SLC15A5: variants seen among roughly 807,000 people sequenced by gnomAD.
SLC15A5 encodes the protein Peptide/histidine transporter ENSP00000340402.
Under a neutral mutation model 56.1 loss-of-function variants are expected in SLC15A5, and 58 were observed. The observed-to-expected ratio is 1.03, with a 90% CI of 0.84 to 1.29. The LOEUF (loss-of-function observed/expected upper bound fraction) is 1.29, where lower values mean the gene tolerates loss of function less well. Among genes scored for constraint, SLC15A5 ranks in the 50% most tolerant of loss-of-function variants. SLC15A5 has a pLI of 0.00. For missense variants in SLC15A5, 681 were observed against 672.1 expected (o/e 1.01, Z -0.15); for synonymous variants, 264 against 250.5 (o/e 1.05, Z -0.51).
intron 2 of SLC15A5, among the ~76,000 whole-genome samples, chr12:16,260,932 T>C (rs965121366): frequency 1.8e-4 from 28 of 152,210 alleles, no homozygotes; most frequent in African/African-American, 6.5e-4. Context: ...TTGACACTTT[T>C]GTTGAAAATC....
intron 4 of SLC15A5, among the ~76,000 whole-genome samples, chr12:16,240,914 G>A (rs771413802): frequency 5.3e-5 from 8 of 151,928 alleles, no homozygotes; most frequent in Non-Finnish European, 1.2e-4. Flanking sequence ...CCAGGTTCAC[G>A]CCATTCTCCT....
At chr12:16,206,369 C>A (rs1864019449) in intron 7 of SLC15A5, among the ~76,000 whole-genome samples, 2 of 152,180 alleles carry the variant, frequency 1.3e-5, no homozygotes, top group African/African-American at 2.4e-5. Context: ...ATGTTAATTT[C>A]TTTCCTTCCT....
chr12:16,195,687 A>G (rs1008669909), intron 7 of SLC15A5, among the ~76,000 whole-genome samples: 4 of 152,064 alleles, frequency 2.6e-5, no homozygotes, highest in Admixed American at 6.6e-5. Context: ...TCTTTGGCAC[A>G]TGGGTTGTAG....
rs142644173 is a variant in SLC15A5 at position 16,269,886 on chromosome 12, C to T, written c.584+2675G>A. Among the ~76,000 whole-genome samples, 1,120 of 152,252 alleles carry T rather than the reference C, an allele frequency of 7.4e-3. 13 individuals are homozygous for T. Among genetic ancestry groups the T allele is most frequent in the African/African-American group, 0.026 (1,071 of 41,552 alleles). On this transcript the variant is annotated intron_variant, in intron 2 of 8. Coordinates refer to ENST00000344941, the MANE Select transcript of SLC15A5 (RefSeq NM_001170798.1). This position sits in a 1 kb window ranked among gnomAD's most constrained non-coding sequence, Gnocchi z 4.7. ...TAAAATTGTGGCCAGGAACAGACTT[C>T]ATTATCCTCCTTCTTTTTGCTTCCA...
intron 5 of SLC15A5, among the ~76,000 whole-genome samples, chr12:16,239,182 T>C (rs188417616): frequency 3.9e-5 from 6 of 152,312 alleles, no homozygotes; most frequent in Non-Finnish European, 7.3e-5. Flanking sequence ...CCCATTTCAA[T>C]CAGATAAATT....
At chr12:16,191,259 A>T (rs1863835837) in intron 8 of SLC15A5, among the ~76,000 whole-genome samples, 1 of 151,962 alleles carries the variant, frequency 6.6e-6, no homozygotes, top group South Asian at 2.1e-4. Flanking sequence ...CCCTCACAAG[A>T]TTGGTTTGGT....
In SLC15A5 at chr12:16,265,645, A is replaced by T. The variant is rs1246865468; in HGVS notation, c.584+6916T>A. 4.0e-5 allele frequency among the ~76,000 whole-genome samples: 6 copies of T among 150,822 alleles called. No individual in the cohort carries two copies. In the East Asian group the frequency reaches 1.2e-3, roughly 29 times the overall value. On this transcript the variant is annotated intron_variant, in intron 2 of 8. Transcript: ENST00000344941. The stretch of plus-strand genomic sequence containing the variant: ...AGGTGCACACCACCATGCCTAGCTA[A>T]TTTTTTTTTGTATTTTTTGTAGAGA...
rs1039334479 is a variant in SLC15A5 at position 16,275,664 on chromosome 12, G to A, written c.361+1661C>T. Among the ~76,000 whole-genome samples the A allele has an allele frequency of 2.0e-5, 3 of 152,052 alleles. 1 individual carries two copies. On this transcript the variant is annotated intron_variant, in intron 1 of 8. Transcript: ENST00000344941. ...GAATTTGATGGCAGCTGTAAGTGGA[G>A]GGCAACAAAGAAATAACTTTTAGTA...
rs1412993871 is a variant in SLC15A5 at position 16,237,690 on chromosome 12, C to T, written c.1162+1991G>A. Among the ~76,000 whole-genome samples the T allele has an allele frequency of 2.0e-5, 3 of 151,954 alleles. No homozygotes were observed. Among genetic ancestry groups the T allele is most frequent in the Admixed American group, 2.0e-4 (3 of 15,250 alleles). ...TATTCTCAGGAAGAATTTATTTTAG[C>T]CATGTTGTATAGAATATTTTTCTAG... On this transcript the variant is annotated intron_variant, in intron 5 of 8. Transcript: ENST00000344941. The surrounding 1 kb of genome is among the most constrained non-coding windows in gnomAD (Gnocchi z 4.1).
intron 8 of SLC15A5, among the ~76,000 whole-genome samples, chr12:16,193,945 A>G (rs1254700474): frequency 9.4e-6 from 1 of 106,580 alleles, no homozygotes; most frequent in African/African-American, 2.9e-5. Context: ...ATTGACCTTG[A>G]AATGGTCACT....
At chr12:16,208,503 C>A (rs1864043653) in intron 7 of SLC15A5, among the ~76,000 whole-genome samples, 1 of 152,028 alleles carries the variant, frequency 6.6e-6, no homozygotes, top group Non-Finnish European at 1.5e-5. Flanking sequence ...AGACCCACAT[C>A]TCTAAAACAA....
At chr12:16,263,610 G>A (rs1390255584) in intron 2 of SLC15A5, among the ~76,000 whole-genome samples, 1 of 152,180 alleles carries the variant, frequency 6.6e-6, no homozygotes, top group Non-Finnish European at 1.5e-5. Context: ...CATGTCAGAG[G>A]TCTTCATGGC....
chr12:16,190,766 G>T (rs117740638), intron 8 of SLC15A5, among the ~76,000 whole-genome samples: 3,302 of 152,146 alleles, frequency 0.022, 54 homozygotes, highest in Non-Finnish European at 0.036. Context: ...AACTCTAAGA[G>T]AATGAATACT....
At chr12:16,236,668 G>C (rs757666769) in intron 5 of SLC15A5, among the ~76,000 whole-genome samples, 3 of 152,110 alleles carry the variant, frequency 2.0e-5, no homozygotes, top group Non-Finnish European at 4.4e-5. Context: ...TAAAACATTA[G>C]GCATTGTCAT....
At chr12:16,270,745 G>T (rs1864744886) in intron 2 of SLC15A5, among the ~76,000 whole-genome samples, 1 of 152,178 alleles carries the variant, frequency 6.6e-6, no homozygotes. Flanking sequence ...CAGCTGTCTG[G>T]TTGCCCAGTG....
intron 7 of SLC15A5, among the ~76,000 whole-genome samples, chr12:16,195,250 T>C (rs1167505026): frequency 2.0e-5 from 3 of 152,148 alleles, no homozygotes; most frequent in African/African-American, 7.2e-5. Context: ...CCTCTGTCTC[T>C]ATCTCTATCC....
chr12:16,268,955 G>A (rs952389175), intron 2 of SLC15A5, among the ~76,000 whole-genome samples: 4 of 151,906 alleles, frequency 2.6e-5, no homozygotes, highest in African/African-American at 4.8e-5. Flanking sequence ...TCATAGGGGT[G>A]GAACCCTTCT....
At chr12:16,205,487 T>C (rs954845936) in intron 7 of SLC15A5, among the ~76,000 whole-genome samples, 4 of 147,064 alleles carry the variant, frequency 2.7e-5, no homozygotes, top group African/African-American at 7.5e-5. Context: ...ATTTATAGCA[T>C]GAAAAATTAG....
intron 7 of SLC15A5, among the ~76,000 whole-genome samples, chr12:16,201,221 T>C (rs1863951885): frequency 6.6e-6 from 1 of 152,068 alleles, no homozygotes; most frequent in African/African-American, 2.4e-5. Context: ...ACTGACACTT[T>C]TCACAGAAAT....
Sources: gnomAD v4.1 joint callset for allele counts (sites outside exome capture counted in the v4.1 genomes callset) on GRCh38, gnomAD v4.1.1 for gene constraint, Gnocchi (gnomAD v3.1) non-coding constraint, MANE v1.5 for transcripts, NCBI Gene and HGNC (gene_info 2026-07-23, HGNC 2026-07-21) for gene names.